CDH13: variants seen among roughly 807,000 people sequenced by gnomAD.
The protein encoded by CDH13 is cadherin-13.
CDH13 carries 24 observed loss-of-function variants against 63.8 expected under a neutral mutation model. That is an observed-to-expected ratio of 0.38 (90% CI 0.27 to 0.53). CDH13 has a LOEUF of 0.53. CDH13 is among the 20% of genes least tolerant of loss of function. The pLI is 0.85. For synonymous variants in CDH13, 503 were observed against 355.3 expected (o/e 1.42, Z -4.67); for missense variants, 1,049 against 903.1 (o/e 1.16, Z -2.07).
chr16:82,850,262 T>C (rs1051184503), intron 1 of CDH13, among the ~76,000 whole-genome samples: 1 of 152,238 alleles, frequency 6.6e-6, no homozygotes, highest in Non-Finnish European at 1.5e-5. Context: ...AACAGGAGTT[T>C]AGAAGATGTT....
intron 3 of CDH13, among the ~76,000 whole-genome samples, chr16:83,098,670 C>T (rs1038630626): frequency 6.4e-4 from 97 of 152,286 alleles, no homozygotes; most frequent in African/African-American, 2.1e-3. Flanking sequence ...AGCATTTCAA[C>T]GGTTCACTCC....
intron 5 of CDH13, among the ~76,000 whole-genome samples, chr16:83,266,311 T>A (rs1300624018): frequency 6.6e-6 from 1 of 152,188 alleles, no homozygotes; most frequent in Non-Finnish European, 1.5e-5. Flanking sequence ...TTCACTGGAT[T>A]TAAGCACTGA....
chr16:82,983,414 T>C (rs561311785), intron 2 of CDH13, among the ~76,000 whole-genome samples: 4 of 152,300 alleles, frequency 2.6e-5, no homozygotes, highest in East Asian at 1.9e-4. Flanking sequence ...TCTGAACTTA[T>C]ATGTCATAGT....
Position 82,876,447 on chromosome 16 carries a change from C to A in CDH13, c.157+17974C>A, listed in dbSNP as rs148191820. On this transcript the variant is annotated intron_variant, in intron 2 of 13. Transcript: ENST00000567109. ...TTTTGTCTTATTTTCAAGTTTTGAA[C>A]CTTTTTTCTTAGTAATATAATGAAA... 4.5e-3 allele frequency among the ~76,000 whole-genome samples: 679 copies of A among 152,222 alleles called. 3 individuals carry two copies. The highest frequency in any genetic ancestry group is 7.2e-3 in the Admixed American group (110 of 15,288).
At chr16:83,518,598 G>A (rs544409354) in intron 7 of CDH13, among the ~76,000 whole-genome samples, 23 of 149,868 alleles carry the variant, frequency 1.5e-4, no homozygotes, top group African/African-American at 3.4e-4. Context: ...TCAGCCTTCC[G>A]AGTAGCTGGG....
chr16:83,598,806 G>A (rs939206520), intron 7 of CDH13, among the ~76,000 whole-genome samples: 1 of 152,112 alleles, frequency 6.6e-6, no homozygotes, highest in African/African-American at 2.4e-5. Context: ...GACTTTCTTT[G>A]TGTGGTTACA....
chr16:82,656,948 A>G (rs1340146397), intron 1 of CDH13, among the ~76,000 whole-genome samples: 1 of 147,358 alleles, frequency 6.8e-6, no homozygotes, highest in African/African-American at 2.5e-5. Context: ...GCATTGAATA[A>G]TATTTCATTG....
At chr16:82,627,337 C>CGTGCGTGCGT (rs1555525839) in intron 1 of CDH13, among the ~76,000 whole-genome samples, 200 bp downstream of exon 1, 47 of 131,250 alleles carry the variant, frequency 3.6e-4, no homozygotes, top group African/African-American at 1.1e-3. Flanking sequence ...CTCTGGCGTG[C>CGTGCGTGCGT]GTGTGTGTGT....
intron 10 of CDH13, among the ~76,000 whole-genome samples, chr16:83,742,517 C>T (rs2150964609): frequency 6.6e-6 from 1 of 152,194 alleles, no homozygotes; most frequent in East Asian, 1.9e-4. Context: ...TTTTTCAGGC[C>T]TAGAAGCATT....
chr16:83,710,396 T>C (rs1354232395), intron 10 of CDH13: 1 of 152,236 alleles, frequency 6.6e-6, no homozygotes, highest in African/African-American at 2.4e-5. Context: ...AAAAGTGCCT[T>C]ATGACTGCTA....
At chr16:83,709,321 A>T (rs891620097) in intron 10 of CDH13, among the ~76,000 whole-genome samples, 2 of 152,244 alleles carry the variant, frequency 1.3e-5, no homozygotes, top group African/African-American at 4.8e-5. Context: ...GGTCTTTTGC[A>T]TAGCAGACAC....
chr16:82,896,486 G>T (rs1218677784), intron 2 of CDH13, among the ~76,000 whole-genome samples: 1 of 151,458 alleles, frequency 6.6e-6, no homozygotes, highest in African/African-American at 2.4e-5. Flanking sequence ...TTTAGAGATT[G>T]GGTTTTGCCA....
intron 4 of CDH13, among the ~76,000 whole-genome samples, chr16:83,186,075 G>A (rs141657993): frequency 1.4e-5 from 2 of 138,604 alleles, no homozygotes; most frequent in African/African-American, 2.5e-5. Flanking sequence ...ATTTTTAAAG[G>A]CATCTTTTTA....
intron 2 of CDH13, among the ~76,000 whole-genome samples, chr16:82,950,661 A>C (rs192445739): frequency 1.5e-3 from 231 of 152,240 alleles, no homozygotes; most frequent in African/African-American, 5.3e-3. Flanking sequence ...CTTTATAAAC[A>C]TGTCTTTATC....
chr16:83,297,088 A>C (rs1351834393), intron 5 of CDH13, among the ~76,000 whole-genome samples: 1 of 152,084 alleles, frequency 6.6e-6, no homozygotes, highest in African/African-American at 2.4e-5. Flanking sequence ...ATGGGGGGAG[A>C]AGGGTAGGAG....
chr16:83,291,418 G>T (rs968600466), intron 5 of CDH13, among the ~76,000 whole-genome samples: 2 of 151,974 alleles, frequency 1.3e-5, no homozygotes, highest in African/African-American at 4.8e-5. Flanking sequence ...GAGGTTTGGC[G>T]ACCCAGCTAC....
chr16:82,936,137 C>G (rs2042660321), intron 2 of CDH13, among the ~76,000 whole-genome samples: 1 of 152,186 alleles, frequency 6.6e-6, no homozygotes. Context: ...GAAGACGGAG[C>G]TGCCATCTTG....
At chr16:83,619,962 G>A (rs748193195) in intron 8 of CDH13, among the ~76,000 whole-genome samples, 29 of 152,268 alleles carry the variant, frequency 1.9e-4, no homozygotes, top group Non-Finnish European at 3.2e-4. Flanking sequence ...AAGCCACCCA[G>A]GGTGACCAGA....
intron 2 of CDH13, among the ~76,000 whole-genome samples, chr16:82,889,013 C>T (rs763035676): frequency 2.6e-5 from 4 of 152,090 alleles, no homozygotes; most frequent in African/African-American, 7.2e-5. Context: ...ATTTACTTCC[C>T]TGGGCTATAA....
Sources: gnomAD v4.1 joint callset for allele counts (sites outside exome capture counted in the v4.1 genomes callset) on GRCh38, gnomAD v4.1.1 for gene constraint, MANE v1.5 for transcripts, NCBI Gene and HGNC (gene_info 2026-07-23, HGNC 2026-07-21) for gene names.